The following MMP20 variants were observed in gnomAD, a reference collection of about 807,000 sequenced individuals.
MMP20 encodes the protein matrix metalloproteinase-20.
MMP20 carries 50 observed loss-of-function variants against 51.8 expected under a neutral mutation model. The ratio of observed to expected loss-of-function variants is 0.97; its 90% CI spans 0.77 to 1.22. MMP20 has a LOEUF of 1.22. Ranked by LOEUF, MMP20 falls within the 50% of genes most tolerant of loss-of-function variation. The pLI is 0.00. For missense variants in MMP20, 663 were observed against 601.4 expected, an observed-to-expected ratio of 1.10 and a Z score of -1.07; for synonymous variants, 244 against 216.2, an observed-to-expected ratio of 1.13 and a Z score of -1.13.
At chr11:102,579,569 C>T (rs758853847) in intron 8 of MMP20, among the ~76,000 whole-genome samples, 3 of 152,216 alleles carry the variant, frequency 2.0e-5, no homozygotes, top group African/African-American at 4.8e-5. Flanking sequence ...ACACCTCAGC[C>T]TCCCAAAGTG....
chr11:102,602,062 G>A (rs1591615922), intron 6 of MMP20, among the ~76,000 whole-genome samples: 1 of 145,626 alleles, frequency 6.9e-6, no homozygotes, highest in African/African-American at 2.6e-5. Context: ...CCATTCTCCT[G>A]CCTCAGCCTC....
chr11:102,606,775 G>C, intron 5 of MMP20, 99 bp from the exon 6 acceptor site: 1 of 1,392,200 alleles, frequency 7.2e-7, no homozygotes, highest in African/African-American at 1.4e-5. Context: ...TTTCACGCTG[G>C]ACATGTGATC....
At chr11:102,621,320 G>A (rs1859748544) in intron 1 of MMP20, among the ~76,000 whole-genome samples, 2 of 152,206 alleles carry the variant, frequency 1.3e-5, no homozygotes, top group African/African-American at 4.8e-5. Context: ...GCCTATGCCC[G>A]CTTGGCTGCA....
At chr11:102,593,155 CT>C (rs1228690886) in intron 8 of MMP20, among the ~76,000 whole-genome samples, 1 of 152,154 alleles carries the variant, frequency 6.6e-6, no homozygotes, top group Non-Finnish European at 1.5e-5. Flanking sequence ...TGCATCTACG[CT>C]TTTAGGCCAC....
At chr11:102,582,956 A>G (rs370649783) in intron 8 of MMP20, among the ~76,000 whole-genome samples, 1 of 152,142 alleles carries the variant, frequency 6.6e-6, no homozygotes, top group Admixed American at 6.6e-5. Context: ...CATGGCCTCA[A>G]TCACCATCTG....
chr11:102,586,425 T>A (rs1363207722), intron 8 of MMP20, among the ~76,000 whole-genome samples: 1 of 152,260 alleles, frequency 6.6e-6, no homozygotes, highest in African/African-American at 2.4e-5. Flanking sequence ...AATTTATTGG[T>A]ATACAATTGT....
chr11:102,620,504 TG>T (rs1420035401), intron 1 of MMP20, among the ~76,000 whole-genome samples: 1 of 86,130 alleles, frequency 1.2e-5, no homozygotes, highest in Admixed American at 1.3e-4. Flanking sequence ...ACTTCCTCAT[TG>T]TTAAAATTGT....
chr11:102,621,931 T>C (rs1397549454), intron 1 of MMP20, among the ~76,000 whole-genome samples: 1 of 152,246 alleles, frequency 6.6e-6, no homozygotes, highest in Non-Finnish European at 1.5e-5. Flanking sequence ...GAGTTCATAA[T>C]AATGTGGTAG....
intron 1 of MMP20, among the ~76,000 whole-genome samples, chr11:102,620,523 T>G (rs1435760256): frequency 6.6e-6 from 1 of 152,178 alleles, no homozygotes; most frequent in African/African-American, 2.4e-5. Context: ...TGTAGATTTT[T>G]GGGTCAATTA....
chr11:102,622,329 C>G (rs924933604), intron 1 of MMP20, among the ~76,000 whole-genome samples: 1 of 152,148 alleles, frequency 6.6e-6, no homozygotes, highest in Non-Finnish European at 1.5e-5. Flanking sequence ...GTGACCCAGG[C>G]CACCAGGCAC....
chr11:102,583,993 G>A (rs1379889145), intron 8 of MMP20, among the ~76,000 whole-genome samples: 1 of 152,148 alleles, frequency 6.6e-6, no homozygotes, highest in African/African-American at 2.4e-5. Context: ...ATATTCCATT[G>A]TATGAATTTA....
chr11:102,625,002 T>C (rs1224311723), intron 1 of MMP20, among the ~76,000 whole-genome samples, 192 bp downstream of exon 1: 3 of 152,236 alleles, frequency 2.0e-5, no homozygotes, highest in South Asian at 2.1e-4. Context: ...TATTCAGTCA[T>C]GTAACATGGT....
chr11:102,602,208 T>C (rs1389765505), intron 6 of MMP20, among the ~76,000 whole-genome samples: 1 of 148,560 alleles, frequency 6.7e-6, no homozygotes, highest in East Asian at 2.0e-4. Flanking sequence ...GACCTTGTGA[T>C]CTGCCCACCT....
chr11:102,585,546 C>G (rs1404887039), intron 8 of MMP20, among the ~76,000 whole-genome samples: 1 of 152,080 alleles, frequency 6.6e-6, no homozygotes, highest in Non-Finnish European at 1.5e-5. Context: ...ATACCATATG[C>G]AAAAAGAAAT....
chr11:102,619,839 A>T (rs1448011166), intron 1 of MMP20, among the ~76,000 whole-genome samples: 1 of 151,958 alleles, frequency 6.6e-6, no homozygotes, highest in Non-Finnish European at 1.5e-5. Flanking sequence ...TCTTTAAAAT[A>T]TGCACAAAAT....
Position 102,593,597 on chromosome 11 carries a change from T to C in MMP20, c.1091-2A>G. On this transcript the variant is annotated splice_acceptor_variant, in intron 7 of 9. Coordinates refer to ENST00000260228, the MANE Select transcript of MMP20 (RefSeq NM_004771.4). LOFTEE classifies it high-confidence loss of function. ...CTCTTGTTATCCAGTAGTGGGGACCTGAAAACAGAAATTAAAGTTTACGAA... is the reference window on the plus strand; with the variant it reads ...CTCTTGTTATCCAGTAGTGGGGACCCGAAAACAGAAATTAAAGTTTACGAA... The C allele has an allele frequency of 6.2e-7, 1 of 1,614,074 alleles. No individual in the cohort carries two copies. The highest frequency in any genetic ancestry group is 8.5e-7 in the Non-Finnish European group (1 of 1,179,942).
intron 8 of MMP20, among the ~76,000 whole-genome samples, chr11:102,582,802 G>T (rs1859212237): frequency 6.6e-6 from 1 of 152,100 alleles, no homozygotes; most frequent in Admixed American, 6.5e-5. Flanking sequence ...AAAAATAGAA[G>T]AAAAATATTA....
chr11:102,621,283 G>A (rs1489845958), intron 1 of MMP20, among the ~76,000 whole-genome samples: 1 of 152,192 alleles, frequency 6.6e-6, no homozygotes, highest in African/African-American at 2.4e-5. Flanking sequence ...CCCTAAACTC[G>A]CTGAGTCACG....
At chr11:102,580,069 A>G (rs1859175656) in intron 8 of MMP20, among the ~76,000 whole-genome samples, 2 of 152,224 alleles carry the variant, frequency 1.3e-5, no homozygotes, top group African/African-American at 4.8e-5. Context: ...TTTTAAACCA[A>G]TTTACTTGAA....
Sources: gnomAD v4.1 joint callset for allele counts (sites outside exome capture counted in the v4.1 genomes callset) on GRCh38, gnomAD v4.1.1 for gene constraint, MANE v1.5 for transcripts, NCBI Gene and HGNC (gene_info 2026-07-23, HGNC 2026-07-21) for gene names.